PIWIL3: variants seen among roughly 807,000 people sequenced by gnomAD.
The protein encoded by PIWIL3 is piwi-like protein 3.
In PIWIL3, 101 loss-of-function variants were observed where a neutral mutation model predicts 109.7. The observed-to-expected ratio is 0.92, with a 90% CI of 0.78 to 1.09. The LOEUF (loss-of-function observed/expected upper bound fraction) is 1.09, where lower values mean the gene tolerates loss of function less well. Among genes scored for constraint, PIWIL3 ranks in the 50% least tolerant of loss-of-function variants. PIWIL3 has a pLI of 0.00. For synonymous variants in PIWIL3, 373 were observed against 376.4 expected (o/e 0.99, Z 0.10); for missense variants, 1,031 against 1,072.6 (o/e 0.96, Z 0.54).
chr22:24,765,129 A>G (rs962566258), intron 1 of PIWIL3, among the ~76,000 whole-genome samples: 13 of 152,160 alleles, frequency 8.5e-5, no homozygotes, highest in Non-Finnish European at 1.6e-4. Flanking sequence ...AAGAGGGCAA[A>G]TGGATGGGAA....
chr22:24,748,850 T>G (rs1441451495), intron 12 of PIWIL3, 57 bp downstream of exon 12: 23 of 1,388,424 alleles, frequency 1.7e-5, no homozygotes, highest in Non-Finnish European at 2.1e-5. Context: ...TTAGTTCCTT[T>G]TTGCTTTACT....
rs374800363 is a variant in PIWIL3 at position 24,755,810 on chromosome 22, T to C, written c.666A>G (p.Leu222=). 4 of 1,613,896 alleles carry C rather than the reference T, an allele frequency of 2.5e-6. No individual in the cohort carries two copies. Among genetic ancestry groups the C allele is most frequent in the African/African-American group, 1.3e-5 (1 of 74,878 alleles). The change falls in exon 6 of 21, where the codon CTA becomes CTG. Residue 222 remains leucine (L), a synonymous_variant. Transcript: ENST00000616349. ...KELTPTSPDC[L]RYYNILFRRT... The stretch of plus-strand genomic sequence containing the variant: ...TTCTAAAGAGAATGTTGTAATAGCG[T>C]AGGCAATCTGGCGACGTGGGCGTGA...
chr22:24,766,040 T>TG lies in PIWIL3; in HGVS notation c.-22-3520dup, dbSNP rs1439646577. Among the ~76,000 whole-genome samples, 6 of 132,342 alleles carry TG rather than the reference T, an allele frequency of 4.5e-5. No homozygotes were observed. The East Asian group carries it at 1.8e-3, about 39-fold the overall frequency. 86.8% of individuals were successfully genotyped at this position (132,342 alleles called of 152,430 possible). On this transcript the variant is annotated intron_variant, in intron 1 of 20. Coordinates refer to ENST00000616349, the MANE Select transcript of PIWIL3 (RefSeq NM_001255975.1). The stretch of plus-strand genomic sequence containing the variant: ...TTTAAAATAAATTCCTTCAACTTAA[T>TG]GGAAAAAAAAAAAAGAAACCCTCCC...
intron 12 of PIWIL3, among the ~76,000 whole-genome samples, chr22:24,746,063 G>A (rs1074641): frequency 0.21 from 31,433 of 152,032 alleles, 3,586 homozygotes; most frequent in Admixed American, 0.32. Flanking sequence ...CTCCTATTCC[G>A]AAAAATAGAG....
intron 13 of PIWIL3, 35 bp from the exon 14 acceptor site, chr22:24,734,191 T>G: frequency 6.3e-7 from 1 of 1,595,720 alleles, no homozygotes; most frequent in Non-Finnish European, 8.5e-7. Flanking sequence ...ATCCAAAAGA[T>G]ACCAACCAGT....
At chr22:24,736,074 G>A (rs1923641454) in intron 12 of PIWIL3, among the ~76,000 whole-genome samples, 182 bp from the exon 13 acceptor site, 2 of 152,092 alleles carry the variant, frequency 1.3e-5, no homozygotes, top group Admixed American at 1.3e-4. Context: ...TCTATCCTAG[G>A]TGTTAAAAAT....
chr22:24,756,901 G>A (rs1259888745), intron 4 of PIWIL3, among the ~76,000 whole-genome samples, 196 bp from the exon 5 acceptor site: 1 of 151,844 alleles, frequency 6.6e-6, no homozygotes, highest in East Asian at 1.9e-4. Context: ...CCAACATGGT[G>A]ACCCCATATC....
At chr22:24,760,413 GGAA>G (rs1372059287) in intron 2 of PIWIL3, among the ~76,000 whole-genome samples, 4 of 152,260 alleles carry the variant, frequency 2.6e-5, no homozygotes, top group Non-Finnish European at 4.4e-5. Context: ...CAGTGTGGCT[GGAA>G]GAAGAGGGTG....
Position 24,735,773 on chromosome 22 carries a change from C to T in PIWIL3, c.1569G>A (p.Met523Ile), listed in dbSNP as rs1923619419. 1.2e-6 allele frequency: 2 copies of T among 1,613,960 alleles called. No homozygotes were observed. The highest frequency in any genetic ancestry group is 1.1e-5 in the South Asian group (1 of 91,064). Reference sequence around the variant, plus strand: ...CACTCTGTAGATGACCCTTTAAGGACATGGCTTCTCTGTGACTGCTCCTGC... The same window carrying T: ...CACTCTGTAGATGACCCTTTAAGGATATGGCTTCTCTGTGACTGCTCCTGC... ...LYSRSSHREA[M>I]SLKGHLQSVT... Residue 523 changes from methionine to isoleucine, a missense_variant, in exon 13 of 21, where the codon ATG (methionine) becomes ATA (isoleucine). Met to Ile is a conservative substitution (Grantham distance 10). Coordinates refer to ENST00000616349, the MANE Select transcript of PIWIL3 (RefSeq NM_001255975.1).
intron 2 of PIWIL3, 115 bp downstream of exon 2, chr22:24,762,278 CTTTTA>C: frequency 7.0e-7 from 1 of 1,419,522 alleles, no homozygotes; most frequent in Non-Finnish European, 9.2e-7. Flanking sequence ...TTCTTATGAA[CTTTTA>C]TTAGTCCTCA....
intron 16 of PIWIL3, among the ~76,000 whole-genome samples, chr22:24,727,478 C>T (rs551001290): frequency 3.3e-5 from 5 of 152,064 alleles, no homozygotes; most frequent in East Asian, 1.9e-4. Flanking sequence ...CTGCAGCTGA[C>T]GGTCAACAAC....
intron 9 of PIWIL3, 93 bp downstream of exon 9, chr22:24,751,294 A>G (rs1241326152): frequency 7.9e-7 from 1 of 1,271,100 alleles, no homozygotes; most frequent in Non-Finnish European, 1.1e-6. Flanking sequence ...ATGTATGTTT[A>G]TATGACAAAT....
In PIWIL3 at chr22:24,723,243, A is replaced by C. The variant is rs56199175; in HGVS notation, c.2244T>G (p.Ala748=). 89,423 of 1,609,994 alleles carry C rather than the reference A, an allele frequency of 0.056. 2,929 individuals carry two copies. Among genetic ancestry groups the C allele is most frequent in the East Asian group, 0.12 (5,584 of 44,812 alleles). Residue 748 remains alanine (A), a synonymous_variant, in exon 19 of 21, where the codon GCT becomes GCG. Transcript: ENST00000616349. ...KTISPNNFTL[A]FIVVKKRINT... ...TTATTCGTTTCTTCACCACAATGAAAGCTAGAGTGAAACTTAAAAAAATTA... is the reference window on the plus strand; with the variant it reads ...TTATTCGTTTCTTCACCACAATGAACGCTAGAGTGAAACTTAAAAAAATTA...
chr22:24,757,946 G>A lies in PIWIL3; in HGVS notation c.317C>T (p.Thr106Ile), dbSNP rs1301334523. The A allele has an allele frequency of 6.2e-7, 1 of 1,613,436 alleles. No homozygotes were observed. Among genetic ancestry groups the A allele is most frequent in the African/African-American group, 1.3e-5 (1 of 74,786 alleles). ...TTTAACATGCTTCATATCTTGCCTG[G>A]TGTTCACCACCAGGTCTTGAAAAAC... ...GGVFQDLVVN[T>I]RQDMKHVKDS... is the part of the protein sequence containing the mutation. Residue 106 changes from threonine (T) to isoleucine (I), a missense_variant, in exon 4 of 21, where the codon ACC (threonine) becomes ATC (isoleucine). Physicochemically the swap from Thr to Ile is moderately conservative, Grantham distance 89. Coordinates refer to ENST00000616349, the MANE Select transcript of PIWIL3 (RefSeq NM_001255975.1).
intron 12 of PIWIL3, among the ~76,000 whole-genome samples, chr22:24,740,263 G>A (rs951786090): frequency 1.4e-4 from 20 of 143,048 alleles, no homozygotes; most frequent in African/African-American, 5.2e-5. Context: ...GAAATGAAAC[G>A]GGAGGCTGGG....
chr22:24,755,034 C>T (rs138983282), intron 6 of PIWIL3, among the ~76,000 whole-genome samples, 170 bp from the exon 7 acceptor site: 165 of 152,272 alleles, frequency 1.1e-3, no homozygotes, highest in African/African-American at 3.5e-3. Flanking sequence ...TTCATTTAAC[C>T]TCATTTGTTC....
At chr22:24,732,312 C>T (rs553181136) in intron 14 of PIWIL3, among the ~76,000 whole-genome samples, 1 of 152,134 alleles carries the variant, frequency 6.6e-6, no homozygotes, top group African/African-American at 2.4e-5. Flanking sequence ...ATTTTTAGTC[C>T]CTATTATATG....
chr22:24,749,896 T>C (rs184527796), intron 9 of PIWIL3, 77 bp from the exon 10 acceptor site: 180 of 1,603,952 alleles, frequency 1.1e-4, no homozygotes, highest in Non-Finnish European at 1.4e-4. Flanking sequence ...CAAAAGTGCA[T>C]GTGTGGGACT....
rs765830621 is a variant in PIWIL3 at position 24,756,500 on chromosome 22, T to C, written c.561A>G (p.Leu187=). 1.2e-5 allele frequency: 19 copies of C among 1,613,264 alleles called. No individual in the cohort carries two copies. The highest frequency in any genetic ancestry group is 1.5e-5 in the Non-Finnish European group (18 of 1,179,568). The change falls in exon 5 of 21, where the codon CTA becomes CTG. Residue 187 remains leucine (L), a synonymous_variant. Coordinates refer to ENST00000616349, the MANE Select transcript of PIWIL3 (RefSeq NM_001255975.1). ...DGNSLLLSRP[L]KERRVEWLST... is the part of the protein sequence containing the mutation. ...AACAACATTACTTAACCCGCTCTTT[T>C]AGTGGCCGAGATAATAATAAAGAGT...
Sources: gnomAD v4.1 joint callset for allele counts (sites outside exome capture counted in the v4.1 genomes callset) on GRCh38, gnomAD v4.1.1 for gene constraint, MANE v1.5 for transcripts, NCBI Gene and HGNC (gene_info 2026-07-23, HGNC 2026-07-21) for gene names.